MAST2: variants seen among roughly 807,000 people sequenced by gnomAD.
MAST2 encodes the protein microtubule associated serine/threonine kinase 2.
A neutral mutation model predicts 147.4 loss-of-function variants in MAST2; 70 were observed. The ratio of observed to expected loss-of-function variants is 0.47; its 90% CI spans 0.39 to 0.58. MAST2 has a LOEUF of 0.58. MAST2 is among the 20% of genes least tolerant of loss of function. MAST2 has a pLI of 0.00. For missense variants in MAST2, 2,080 were observed against 2,302.3 expected (o/e 0.90, Z 1.98); for synonymous variants, 869 against 896.8 (o/e 0.97, Z 0.55).
At chr1:45,888,663 CTTTTTTTTTTTTTTTTTTTTTTT>C (rs71587722) in intron 4 of MAST2, among the ~76,000 whole-genome samples, 6 of 48,726 alleles carry the variant, frequency 1.2e-4, no homozygotes, top group African/African-American at 2.3e-4. Context: ...CGCGCGGCCT[CTTTTTTTTTTTTTTTTTTTTTTT>C]TTTTTTTTTT....
At chr1:45,813,733 A>G (rs185208246) in intron 1 of MAST2, among the ~76,000 whole-genome samples, 169 of 152,226 alleles carry the variant, frequency 1.1e-3, no homozygotes, top group Admixed American at 1.9e-3. Context: ...TTCTGACGTC[A>G]GGTGAGCCGC....
intron 3 of MAST2, among the ~76,000 whole-genome samples, chr1:45,829,850 C>T (rs1644899468): frequency 6.6e-6 from 1 of 151,352 alleles, no homozygotes; most frequent in Admixed American, 6.6e-5. Context: ...TGGCATCAGG[C>T]TAAGAATGAA....
chr1:46,006,575 T>G, intron 8 of MAST2, 180 bp downstream of exon 8: 1 of 438,450 alleles, frequency 2.3e-6, no homozygotes, highest in Non-Finnish European at 3.8e-6. Flanking sequence ...TATCCACAAA[T>G]AATATATAAA....
intron 3 of MAST2, among the ~76,000 whole-genome samples, chr1:45,876,802 C>T (rs1346065015): frequency 1.3e-5 from 2 of 152,046 alleles, no homozygotes. Context: ...GTAAGGAAGT[C>T]GGAAGGGATG....
Position 46,031,512 on chromosome 1 carries a change from G to A in MAST2, c.3114G>A (p.Lys1038=). ...TGCTCTCTGGGGACTCAACAGAGAA[G>A]CGCACTGCTCGCCCTGTCAACAAAG... ...HRLLSGDSTE[K]RTARPVNKVI... Residue 1038 remains lysine, a synonymous_variant, in exon 24 of 29, where the codon AAG becomes AAA. Coordinates refer to ENST00000361297, the MANE Select transcript of MAST2 (RefSeq NM_015112.3). The surrounding 1 kb of genome is among the most constrained non-coding windows in gnomAD (Gnocchi z 4.1). 2 of 1,614,188 alleles carry A rather than the reference G, an allele frequency of 1.2e-6. No homozygotes were observed. The highest frequency in any genetic ancestry group is 8.5e-7 in the Non-Finnish European group (1 of 1,180,032).
At chr1:45,915,901 A>G (rs535764629) in intron 4 of MAST2, among the ~76,000 whole-genome samples, 5 of 152,324 alleles carry the variant, frequency 3.3e-5, no homozygotes, top group Non-Finnish European at 7.4e-5. Flanking sequence ...TAACATATAT[A>G]TGAAGGAGCT....
intron 4 of MAST2, among the ~76,000 whole-genome samples, chr1:45,939,125 T>C (rs1330063390): frequency 2.0e-5 from 3 of 152,156 alleles, no homozygotes; most frequent in East Asian, 1.9e-4. Flanking sequence ...GTTTTTTTTT[T>C]CCATTTTCTT....
intron 11 of MAST2, 121 bp downstream of exon 11, chr1:46,019,818 T>C: frequency 1.2e-6 from 1 of 819,592 alleles, no homozygotes; most frequent in Non-Finnish European, 2.0e-6. Flanking sequence ...GGTCCTTATT[T>C]AAATATGATT....
Position 46,034,227 on chromosome 1 carries a change from A to G in MAST2, c.3829A>G (p.Thr1277Ala). ...CCACAGCCTTTCCCCCCGATCTCCC[A>G]CTCAAGGCTACCGGGTGACCCCCGA... ...HSHSLSPRSP[T>A]QGYRVTPDAV... The change falls in exon 28 of 29, where the codon ACT (threonine) becomes GCT (alanine). Residue 1277 changes from threonine to alanine, a missense_variant. By Grantham distance (58) the Thr-to-Ala change is moderately conservative. This residue lies in a region of MAST2 where 1,278 missense variants were observed against 1,304.2 expected (regional missense o/e 0.98). Coordinates refer to ENST00000361297, the MANE Select transcript of MAST2 (RefSeq NM_015112.3). The G allele has an allele frequency of 1.2e-6, 2 of 1,613,736 alleles. No homozygotes were observed. Among genetic ancestry groups the G allele is most frequent in the South Asian group, 2.2e-5 (2 of 91,058 alleles).
chr1:45,895,275 A>G (rs899454208), intron 4 of MAST2, among the ~76,000 whole-genome samples: 1 of 152,148 alleles, frequency 6.6e-6, no homozygotes, highest in Non-Finnish European at 1.5e-5. Context: ...GATATTATGA[A>G]TAAAGCTGCT....
intron 26 of MAST2, among the ~76,000 whole-genome samples, chr1:46,033,166 C>T (rs1271137847): frequency 3.3e-5 from 5 of 151,196 alleles, no homozygotes; most frequent in African/African-American, 7.3e-5. Context: ...CCCGGCTACT[C>T]GGGAGGCTGA....
intron 4 of MAST2, among the ~76,000 whole-genome samples, chr1:45,898,990 G>A (rs145631854): frequency 6.1e-4 from 93 of 152,282 alleles, no homozygotes; most frequent in Middle Eastern, 3.4e-3. Flanking sequence ...TGAGTATATA[G>A]CCAAGCCATT....
At chr1:45,920,383 T>G (rs1267175956) in intron 4 of MAST2, among the ~76,000 whole-genome samples, 1 of 152,218 alleles carries the variant, frequency 6.6e-6, no homozygotes, top group East Asian at 1.9e-4. Flanking sequence ...ACTGCTGGAC[T>G]CTGTTTGAGT....
chr1:45,975,777 A>AGG (rs1644126851), intron 5 of MAST2, among the ~76,000 whole-genome samples: 1 of 151,748 alleles, frequency 6.6e-6, no homozygotes, highest in Non-Finnish European at 1.5e-5. Flanking sequence ...AAAGTCACGG[A>AGG]GGGCTATATG....
intron 1 of MAST2, among the ~76,000 whole-genome samples, chr1:45,805,308 GC>G (rs147365477): frequency 0.041 from 6,293 of 152,240 alleles, 206 homozygotes; most frequent in Non-Finnish European, 0.055. Flanking sequence ...ACAGGCATGA[GC>G]CAGTGTGCCC....
intron 4 of MAST2, among the ~76,000 whole-genome samples, chr1:45,933,468 G>A (rs868573292): frequency 6.6e-6 from 1 of 151,440 alleles, no homozygotes; most frequent in Non-Finnish European, 1.5e-5. Context: ...GGCCGGGCAC[G>A]GTGGCTCACG....
intron 3 of MAST2, among the ~76,000 whole-genome samples, chr1:45,846,074 CA>C (rs1333749102): frequency 6.6e-6 from 1 of 152,024 alleles, no homozygotes; most frequent in Admixed American, 6.6e-5. Context: ...TATCCCGTTT[CA>C]AAAGATAAAT....
intron 3 of MAST2, among the ~76,000 whole-genome samples, chr1:45,837,360 G>A (rs1156230635): frequency 6.6e-6 from 1 of 152,214 alleles, no homozygotes; most frequent in Non-Finnish European, 1.5e-5. Context: ...TCATAGGAAT[G>A]GAATCATACA....
At chr1:46,011,396 G>A (rs1374483494) in intron 10 of MAST2, among the ~76,000 whole-genome samples, 1 of 152,184 alleles carries the variant, frequency 6.6e-6, no homozygotes, top group Non-Finnish European at 1.5e-5. Flanking sequence ...ATGGTGAGAA[G>A]TTCTCTAGTT....
Sources: gnomAD v4.1 joint callset for allele counts (sites outside exome capture counted in the v4.1 genomes callset) on GRCh38, gnomAD v4.1.1 for gene constraint, gnomAD v4.1.1 regional missense constraint, Gnocchi (gnomAD v3.1) non-coding constraint, MANE v1.5 for transcripts, NCBI Gene and HGNC (gene_info 2026-07-23, HGNC 2026-07-21) for gene names.